Variants in CFAP69 observed in about 807,000 individuals in gnomAD.
The protein encoded by CFAP69 is cilia and flagella associated protein 69.
A neutral mutation model predicts 123.0 loss-of-function variants in CFAP69; 92 were observed. The ratio of observed to expected loss-of-function variants is 0.75; its 90% CI spans 0.63 to 0.89. The LOEUF is 0.89. Among genes scored for constraint, CFAP69 ranks in the 40% least tolerant of loss-of-function variants. CFAP69 has a pLI of 0.00. For synonymous variants in CFAP69, 380 were observed against 364.3 expected (o/e 1.04, Z -0.49); for missense variants, 1,067 against 1,096.9 (o/e 0.97, Z 0.39).
At chr7:90,259,827 C>T (rs1411052171) in intron 3 of CFAP69, among the ~76,000 whole-genome samples, 3 of 151,996 alleles carry the variant, frequency 2.0e-5, no homozygotes, top group Non-Finnish European at 4.4e-5. Flanking sequence ...TTGTAAAATA[C>T]AATAAAAGTA....
At chr7:90,258,541 T>C (rs940383104) in intron 3 of CFAP69, among the ~76,000 whole-genome samples, 9 of 152,102 alleles carry the variant, frequency 5.9e-5, no homozygotes, top group African/African-American at 1.9e-4. Context: ...CCCTCTTTCC[T>C]TTATAAGGAT....
At chr7:90,260,639 A>C (rs1798195715) in intron 3 of CFAP69, among the ~76,000 whole-genome samples, 1 of 152,108 alleles carries the variant, frequency 6.6e-6, no homozygotes, top group African/African-American at 2.4e-5. Context: ...ATTTAATCTA[A>C]ATCTTTTATT....
intron 1 of CFAP69, among the ~76,000 whole-genome samples, chr7:90,254,641 G>A (rs1244012933): frequency 6.6e-6 from 1 of 152,088 alleles, no homozygotes; most frequent in Non-Finnish European, 1.5e-5. Flanking sequence ...TTCATCCTTT[G>A]GGAAGGTAAC....
chr7:90,245,191 T>A lies in CFAP69; in HGVS notation c.-234T>A, dbSNP rs1460303273. The A allele has an allele frequency of 2.3e-6, 1 of 433,576 alleles. No homozygotes were observed. The highest frequency in any genetic ancestry group is 3.9e-6 in the Non-Finnish European group (1 of 257,748). The allele number at this position is 433,576 out of a possible 1,614,324, so 26.9% of individuals were successfully genotyped here. A position where few individuals can be genotyped will look rare whatever the true frequency, so the allele number is the denominator to read the frequency against. On this transcript the variant is annotated 5_prime_UTR_variant, in exon 1 of 23. Coordinates refer to ENST00000389297, the MANE Select transcript of CFAP69 (RefSeq NM_001039706.3). ...CGCCCCCTAGCAACGCGCTGGCTTG[T>A]GTTAACAACCGGCCCGGGATCAGAG...
At chr7:90,272,006 C>T (rs749517009) in intron 8 of CFAP69, 48 bp downstream of exon 8, 2 of 1,481,842 alleles carry the variant, frequency 1.3e-6, no homozygotes, top group South Asian at 2.7e-5. Context: ...CTTAAAATGA[C>T]AGCCAGTGAC....
At chr7:90,309,418 G>T (rs755041064) in intron 22 of CFAP69, 51 bp downstream of exon 22, 1 of 1,065,868 alleles carries the variant, frequency 9.4e-7, no homozygotes, top group Admixed American at 2.3e-5. Flanking sequence ...AATTTAGAGT[G>T]TTTGAACAAC....
intron 20 of CFAP69, 97 bp downstream of exon 20, chr7:90,307,195 A>G: frequency 1.3e-6 from 1 of 792,706 alleles, no homozygotes; most frequent in Admixed American, 2.7e-5. Context: ...GTTCAATAGC[A>G]CAGTAGGACA....
downstream of CFAP69, among the ~76,000 whole-genome samples, chr7:90,313,366 G>C (rs1352953662): frequency 2.6e-5 from 4 of 152,124 alleles, no homozygotes; most frequent in Non-Finnish European, 4.4e-5. Context: ...ATATTTAGTT[G>C]CCTTTCAAGG....
chr7:90,285,997 C>T (rs1464263664), intron 13 of CFAP69, among the ~76,000 whole-genome samples: 1 of 152,080 alleles, frequency 6.6e-6, no homozygotes, highest in Non-Finnish European at 1.5e-5. Flanking sequence ...ATGAAAATAT[C>T]CTCTTCTAAA....
chr7:90,292,793 TTC>T (rs1342497618), intron 15 of CFAP69, among the ~76,000 whole-genome samples: 1 of 152,184 alleles, frequency 6.6e-6, no homozygotes, highest in Non-Finnish European at 1.5e-5. Flanking sequence ...CAAAATTAAT[TTC>T]TGTTTGATAT....
intron 14 of CFAP69, chr7:90,287,784 A>G (rs1790522481): frequency 1.0e-6 from 1 of 970,684 alleles, no homozygotes; most frequent in Non-Finnish European, 1.2e-6. Context: ...AGTGGTTAAA[A>G]CTTCACAAAA....
chr7:90,271,427 G>T, intron 6 of CFAP69, 99 bp from the exon 7 acceptor site: 1 of 1,313,110 alleles, frequency 7.6e-7, no homozygotes. Flanking sequence ...CTTTTAAAAA[G>T]TTTTTCTTGC....
chr7:90,304,039 A>G lies in CFAP69; in HGVS notation c.2121A>G (p.Pro707=). ...QKIIPLPANC[P]SIAVMDVSEN... ...TCATCCCACTGCCTGCTAACTGCCC[A>G]TCTATTGCGGTTATGGATGTTTCTG... The change falls in exon 18 of 23, where the codon CCA becomes CCG. Residue 707 remains proline (P), a synonymous_variant. Coordinates refer to ENST00000389297, the MANE Select transcript of CFAP69 (RefSeq NM_001039706.3). 1 of 1,551,300 alleles carries G rather than the reference A, an allele frequency of 6.4e-7. No individual in the cohort carries two copies. Among genetic ancestry groups the G allele is most frequent in the African/African-American group, 1.4e-5 (1 of 73,156 alleles).
intron 18 of CFAP69, chr7:90,304,437 A>G: frequency 8.3e-7 from 1 of 1,204,134 alleles, no homozygotes; most frequent in Non-Finnish European, 1.0e-6. Context: ...GCTGTCTATT[A>G]AGGAAAAAGT....
At position 90,277,202 on chromosome 7, in the gene CFAP69, T is replaced by A; in HGVS notation, c.1034-11T>A. On this transcript the variant is annotated splice_polypyrimidine_tract_variant and intron_variant, in intron 10 of 22. Coordinates refer to ENST00000389297, the MANE Select transcript of CFAP69 (RefSeq NM_001039706.3). ...CATTTAAGCTTTCATTTTACTTTTT[T>A]TCCCTCACAGTTAAAAGTCAAAATC... 1.9e-6 allele frequency: 3 copies of A among 1,582,798 alleles called. No homozygotes were observed. Among genetic ancestry groups the A allele is most frequent in the Non-Finnish European group, 2.6e-6 (3 of 1,169,278 alleles).
chr7:90,263,605 C>T (rs190119982), intron 4 of CFAP69, among the ~76,000 whole-genome samples: 1 of 152,196 alleles, frequency 6.6e-6, no homozygotes, highest in African/African-American at 2.4e-5. Flanking sequence ...AAATATAATA[C>T]ATTATTTGTT....
chr7:90,264,138 T>G (rs1254821804), intron 4 of CFAP69, among the ~76,000 whole-genome samples: 1 of 113,964 alleles, frequency 8.8e-6, no homozygotes, highest in Non-Finnish European at 1.8e-5. Context: ...TATATATATA[T>G]ATATATATAT....
the CFAP69 span, chr7:90,322,735 A>G: frequency 6.6e-6 from 1 of 152,198 alleles, no homozygotes; most frequent in Admixed American, 6.5e-5. Flanking sequence ...TTGTCATTAA[A>G]ATGCATTTTT....
Position 90,264,107 on chromosome 7 carries a change from ATATATATATATATATATATATATAT to A in CFAP69, c.357-1193_357-1169del, listed in dbSNP as rs1798777478. ...CTCCATCTCGAAAAAAAAAAAAAATATATATATATATATATATATATATATATATATATATATATATATGAATTAA... is the reference window on the plus strand; with the variant it reads ...CTCCATCTCGAAAAAAAAAAAAAATAATATATATATATATATATGAATTAA... On this transcript the variant is annotated intron_variant, in intron 4 of 22. Coordinates refer to ENST00000389297, the MANE Select transcript of CFAP69 (RefSeq NM_001039706.3). Among the ~76,000 whole-genome samples, 20 of 62,010 alleles carry A rather than the reference ATATATATATATATATATATATATAT, an allele frequency of 3.2e-4. 4 individuals carry two copies. Among genetic ancestry groups the A allele is most frequent in the African/African-American group, 1.1e-3 (15 of 13,582 alleles). The allele number at this position is 62,010 out of a possible 152,430, so 40.7% of individuals were successfully genotyped here.
Sources: allele counts gnomAD v4.1 joint callset (sites outside exome capture counted in the v4.1 genomes callset), GRCh38; gene constraint gnomAD v4.1.1; transcripts MANE v1.5; gene names NCBI Gene and HGNC (gene_info 2026-07-23, HGNC 2026-07-21).